Variants in ANKRD26 observed in about 807,000 individuals in gnomAD.
ANKRD26 encodes the protein ankyrin repeat domain-containing protein 26.
Under a neutral mutation model 208.7 loss-of-function variants are expected in ANKRD26, and 141 were observed. That is an observed-to-expected ratio of 0.68 (90% CI 0.59 to 0.78). ANKRD26 has a LOEUF of 0.78. Among genes scored for constraint, ANKRD26 ranks in the 30% least tolerant of loss-of-function variants. The pLI, the probability that ANKRD26 is intolerant of heterozygous loss-of-function variation, is 0.00. For synonymous variants in ANKRD26, 636 were observed against 660.4 expected (o/e 0.96, Z 0.57); for missense variants, 1,889 against 1,938.7 (o/e 0.97, Z 0.48).
chr10:27,056,568 A>G, intron 15 of ANKRD26, among the ~76,000 whole-genome samples: 1 of 148,468 alleles, frequency 6.7e-6, no homozygotes, highest in African/African-American at 2.5e-5. Context: ...ACCTGAGGTC[A>G]GGAGTTCAAG....
At chr10:26,977,699 C>A (rs1207150610) in intron 5 of ANKRD26, among the ~76,000 whole-genome samples, 1 of 152,144 alleles carries the variant, frequency 6.6e-6, no homozygotes, top group African/African-American at 2.4e-5. Context: ...CCATTTTGGT[C>A]CTCTCATTAA....
At chr10:27,029,185 C>T in intron 26 of ANKRD26, 101 bp downstream of exon 26, 1 of 1,381,686 alleles carries the variant, frequency 7.2e-7, no homozygotes, top group Non-Finnish European at 1.0e-6. Context: ...CTTGACTTCA[C>T]ACAGATGTAC....
intron 27 of ANKRD26, among the ~76,000 whole-genome samples, chr10:27,025,153 T>C (rs1013464164): frequency 2.4e-5 from 3 of 124,514 alleles, no homozygotes; most frequent in Non-Finnish European, 3.3e-5. Flanking sequence ...TGTTTTTCCA[T>C]TGGACTCTCT....
chr10:27,038,864 AT>A lies in ANKRD26; in HGVS notation c.2376-811del, dbSNP rs1189453616. Among the ~76,000 whole-genome samples, 3 of 152,174 alleles carry A rather than the reference AT, an allele frequency of 2.0e-5. No homozygotes were observed. The East Asian group carries it at 5.8e-4, about 29-fold the overall frequency. On this transcript the variant is annotated intron_variant, in intron 21 of 33. Transcript: ENST00000376087. The stretch of plus-strand genomic sequence containing the variant: ...CTTTCATACAACATATATCTGTATA[AT>A]AGCATAATTAAAGATTAGGCTAACG...
chr10:26,954,847 T>C, the ANKRD26 span, among the ~76,000 whole-genome samples: 1 of 151,828 alleles, frequency 6.6e-6, no homozygotes, highest in East Asian at 1.9e-4. Context: ...TTTTAGTGTA[T>C]GGACTTTATG....
At chr10:27,092,548 A>G in intron 3 of ANKRD26, 36 bp from the exon 4 acceptor site, 1 of 1,458,512 alleles carries the variant, frequency 6.9e-7, no homozygotes, top group Non-Finnish European at 9.6e-7. Context: ...AATGCATAAA[A>G]TTACATAATT....
intron 4 of ANKRD26, among the ~76,000 whole-genome samples, chr10:27,089,767 GGTGACA>G (rs1349784275): frequency 6.6e-6 from 1 of 152,178 alleles, no homozygotes; most frequent in East Asian, 1.9e-4. Flanking sequence ...CTCCAGCCCA[GGTGACA>G]GAGTGAGACC....
chr10:27,015,003 G>A (rs1564356149), intron 30 of ANKRD26, among the ~76,000 whole-genome samples: 1 of 152,174 alleles, frequency 6.6e-6, no homozygotes, highest in African/African-American at 2.4e-5. Context: ...GATGTCTAAC[G>A]ATGGGGGGAA....
At chr10:26,978,022 A>G (rs1378160313) in intron 5 of ANKRD26, among the ~76,000 whole-genome samples, 1 of 152,230 alleles carries the variant, frequency 6.6e-6, no homozygotes, top group Non-Finnish European at 1.5e-5. Flanking sequence ...CTGTCTCTAC[A>G]GTTCTATGCA....
At chr10:27,087,645 G>A (rs1040457449) in intron 4 of ANKRD26, among the ~76,000 whole-genome samples, 27 of 152,052 alleles carry the variant, frequency 1.8e-4, no homozygotes, top group African/African-American at 6.5e-4. Flanking sequence ...TCACAGCAAG[G>A]GCAGAAAACT....
chr10:27,065,991 G>C (rs899345611), intron 11 of ANKRD26, among the ~76,000 whole-genome samples: 12 of 143,288 alleles, frequency 8.4e-5, no homozygotes, highest in Non-Finnish European at 1.5e-4. Flanking sequence ...TCAGCCTCCC[G>C]AGTAGTGACT....
At position 27,062,221 on chromosome 10, in the gene ANKRD26, A is replaced by T. The variant is rs955448801; in HGVS notation, c.1364-979T>A. On this transcript the variant is annotated intron_variant, in intron 12 of 33. Transcript: ENST00000376087. ...CTCTTCATTTAACAATAGTTATCTT[A>T]TATCTACAATTTCTATTTCTCCATC... is the stretch of plus-strand genomic sequence containing the variant. 8.2e-6 allele frequency: 8 copies of T among 977,198 alleles called. No homozygotes were observed. The African/African-American group carries it at 1.4e-4, about 17-fold the overall frequency. The allele number at this position is 977,198 out of a possible 1,614,324, so 60.5% of individuals were successfully genotyped here.
chr10:27,051,636 G>A, intron 16 of ANKRD26: 1 of 985,144 alleles, frequency 1.0e-6, no homozygotes, highest in African/African-American at 1.7e-5. Context: ...AGGCTTAGAA[G>A]ATGACTGGCA....
At chr10:27,046,963 C>G (rs1357467305) in intron 17 of ANKRD26, among the ~76,000 whole-genome samples, 1 of 151,974 alleles carries the variant, frequency 6.6e-6, no homozygotes, top group Non-Finnish European at 1.5e-5. Context: ...CACACGGCAT[C>G]TAGATGTTTC....
intron 3 of ANKRD26, among the ~76,000 whole-genome samples, chr10:26,986,743 C>T (rs1203354456): frequency 6.6e-6 from 1 of 152,196 alleles, no homozygotes; most frequent in East Asian, 1.9e-4. Context: ...CCATCTCACA[C>T]CAGTTAGAAT....
chr10:26,978,233 C>G (rs1007602876), intron 5 of ANKRD26, among the ~76,000 whole-genome samples: 6 of 151,606 alleles, frequency 4.0e-5, no homozygotes, highest in African/African-American at 1.5e-4. Context: ...GGTGGATCAC[C>G]TGACGTCAGG....
chr10:26,950,731 G>T, the ANKRD26 span, among the ~76,000 whole-genome samples: 1 of 152,148 alleles, frequency 6.6e-6, no homozygotes, highest in East Asian at 1.9e-4. Context: ...AAAGCCTGCA[G>T]ACCTGTGAGC....
chr10:27,037,957 TC>T lies in ANKRD26; in HGVS notation c.2472del (p.Glu826LysfsTer4), dbSNP rs1448995901. Reference sequence around the variant, plus strand: ...AGCTGTTGTTTCACTTCAACTTCTTTCCTATATTGCTCTTCTTTTCTTCTTA... The same window carrying T: ...AGCTGTTGTTTCACTTCAACTTCTTTCTATATTGCTCTTCTTTTCTTCTTA... ...EQLRRKEEQY[R>X]KEVEVKQQLE... On this transcript the variant is annotated frameshift_variant, in exon 22 of 34. Coordinates refer to ENST00000376087, the MANE Select transcript of ANKRD26 (RefSeq NM_014915.3). LOFTEE classifies it high-confidence loss of function. 6.2e-7 allele frequency: 1 copy of T among 1,613,408 alleles called. No homozygotes were observed. The highest frequency in any genetic ancestry group is 8.5e-7 in the Non-Finnish European group (1 of 1,179,740).
chr10:27,047,972 C>T (rs2054516240), intron 17 of ANKRD26, among the ~76,000 whole-genome samples: 1 of 151,980 alleles, frequency 6.6e-6, no homozygotes, highest in African/African-American at 2.4e-5. Flanking sequence ...GGAACTCTGA[C>T]CTCAAGTGAT....
Sources: gnomAD v4.1 joint callset for allele counts (sites outside exome capture counted in the v4.1 genomes callset) on GRCh38, gnomAD v4.1.1 for gene constraint, MANE v1.5 for transcripts, NCBI Gene and HGNC (gene_info 2026-07-23, HGNC 2026-07-21) for gene names.